AKT3: variants seen among roughly 807,000 people sequenced by gnomAD.
AKT3 encodes RAC-gamma serine/threonine-protein kinase.
Under a neutral mutation model 65.3 loss-of-function variants are expected in AKT3, and 15 were observed. The observed-to-expected ratio is 0.23, with a 90% CI of 0.15 to 0.35. The LOEUF (loss-of-function observed/expected upper bound fraction) is 0.35, where lower values mean the gene tolerates loss of function less well. Ranked by LOEUF, AKT3 falls within the 10% of genes least tolerant of loss-of-function variation. AKT3 has a pLI of 1.00. For synonymous variants in AKT3, 206 were observed against 183.8 expected, an observed-to-expected ratio of 1.12 and a Z score of -0.98; for missense variants, 243 against 576.5, an observed-to-expected ratio of 0.42 and a Z score of 5.92.
intron 8 of AKT3, among the ~76,000 whole-genome samples, 163 bp from the exon 9 acceptor site, chr1:243,573,211 G>A (rs1674691859): frequency 6.6e-6 from 1 of 152,054 alleles, no homozygotes; most frequent in Non-Finnish European, 1.5e-5. Flanking sequence ...TCTTTTCCAG[G>A]TTTCCAAGGG....
chr1:243,811,385 C>T (rs964080408), intron 2 of AKT3, among the ~76,000 whole-genome samples: 1 of 152,116 alleles, frequency 6.6e-6, no homozygotes, highest in African/African-American at 2.4e-5. Flanking sequence ...CAATAATAGA[C>T]AAACAGCCAA....
intron 9 of AKT3, among the ~76,000 whole-genome samples, chr1:243,567,698 T>C (rs1471076664): frequency 6.6e-6 from 1 of 152,024 alleles, no homozygotes; most frequent in Admixed American, 6.6e-5. Context: ...TCTCTCACCA[T>C]CCTAAAACGT....
intron 10 of AKT3, 31 bp from the exon 11 acceptor site, chr1:243,552,974 A>G (rs1255144192): frequency 4.1e-6 from 6 of 1,469,028 alleles, no homozygotes; most frequent in Non-Finnish European, 5.6e-6. Context: ...AAGATTAATT[A>G]TTACATGTTA....
chr1:243,534,085 C>G (rs573641636), intron 12 of AKT3, among the ~76,000 whole-genome samples: 1 of 151,988 alleles, frequency 6.6e-6, no homozygotes, highest in East Asian at 1.9e-4. Context: ...AGCTAAAAGA[C>G]AGAGACAGTC....
intron 8 of AKT3, among the ~76,000 whole-genome samples, chr1:243,606,323 C>A (rs1284724190): frequency 1.3e-5 from 2 of 152,202 alleles, no homozygotes; most frequent in Non-Finnish European, 2.9e-5. Context: ...TTCCTAGAGA[C>A]TTGTTGAATA....
downstream of AKT3, among the ~76,000 whole-genome samples, chr1:243,497,659 C>CA (rs1219480857): frequency 6.6e-6 from 1 of 152,126 alleles, no homozygotes; most frequent in Non-Finnish European, 1.5e-5. Context: ...TGGAGCTTAT[C>CA]AAAAAATTCC....
intron 2 of AKT3, among the ~76,000 whole-genome samples, chr1:243,749,226 T>C (rs1397079710): frequency 6.6e-6 from 1 of 152,170 alleles, no homozygotes; most frequent in Non-Finnish European, 1.5e-5. Context: ...CCATTTTATG[T>C]GGAACTCTTC....
At chr1:243,625,052 T>C in intron 6 of AKT3, 1 of 343,414 alleles carries the variant, frequency 2.9e-6, no homozygotes, top group Non-Finnish European at 6.0e-6. Flanking sequence ...GAAAGCCTCC[T>C]CCACCCTTGC....
chr1:243,499,650 CCAA>C (rs1231459714), downstream of AKT3: 15 of 933,054 alleles, frequency 1.6e-5, no homozygotes, highest in Admixed American at 3.8e-5. Context: ...GTTTTTTTCT[CCAA>C]CAACAGTTTT....
chr1:243,718,933 A>G (rs1686696341), intron 2 of AKT3, among the ~76,000 whole-genome samples: 1 of 152,200 alleles, frequency 6.6e-6, no homozygotes, highest in African/African-American at 2.4e-5. Flanking sequence ...TATATGCACA[A>G]AACAAGCCAT....
chr1:243,734,027 T>C (rs1047968808), intron 2 of AKT3, among the ~76,000 whole-genome samples: 2 of 152,310 alleles, frequency 1.3e-5, no homozygotes, highest in East Asian at 1.9e-4. Flanking sequence ...AAATATGGCA[T>C]GAACTCTCAA....
intron 2 of AKT3, among the ~76,000 whole-genome samples, chr1:243,698,771 A>T (rs922987061): frequency 1.3e-5 from 2 of 152,126 alleles, no homozygotes; most frequent in African/African-American, 4.8e-5. Flanking sequence ...TTATACTGTG[A>T]TACTAAGCCA....
intron 12 of AKT3, among the ~76,000 whole-genome samples, chr1:243,515,325 G>C (rs1574515125): frequency 6.6e-6 from 1 of 151,772 alleles, no homozygotes; most frequent in Admixed American, 6.6e-5. Flanking sequence ...GAATGGCTGG[G>C]CCGTATGGTA....
intron 6 of AKT3, among the ~76,000 whole-genome samples, chr1:243,627,931 A>G (rs1194187796): frequency 6.6e-6 from 1 of 152,224 alleles, no homozygotes; most frequent in Non-Finnish European, 1.5e-5. Flanking sequence ...TCTAAGTTGC[A>G]GTGGCTCAAT....
At chr1:243,668,896 T>C (rs1345986629) in intron 3 of AKT3, among the ~76,000 whole-genome samples, 1 of 152,180 alleles carries the variant, frequency 6.6e-6, no homozygotes, top group African/African-American at 2.4e-5. Context: ...GTAGAATCAA[T>C]AGGTCATAAA....
At chr1:243,512,228 G>T (rs1224949230) in intron 13 of AKT3, 96 bp downstream of exon 13, 4 of 639,286 alleles carry the variant, frequency 6.3e-6, no homozygotes, top group Non-Finnish European at 1.0e-5. Context: ...ATTTGATCTT[G>T]AAAATATCAG....
intron 2 of AKT3, among the ~76,000 whole-genome samples, chr1:243,836,203 C>T (rs187321766): frequency 2.6e-5 from 4 of 151,998 alleles, no homozygotes; most frequent in African/African-American, 9.6e-5. Flanking sequence ...TGAAAAGATA[C>T]AAGATGCAAA....
chr1:243,767,049 G>T (rs527701312), intron 2 of AKT3, among the ~76,000 whole-genome samples: 10 of 152,122 alleles, frequency 6.6e-5, no homozygotes, highest in Non-Finnish European at 1.5e-4. Flanking sequence ...TAAGTACCTG[G>T]AATTCACTGA....
At chr1:243,594,542 A>G (rs1354052625) in intron 8 of AKT3, among the ~76,000 whole-genome samples, 1 of 152,216 alleles carries the variant, frequency 6.6e-6, no homozygotes, top group Non-Finnish European at 1.5e-5. Context: ...ATTAAACAGA[A>G]TAAGACAGTG....
Sources: allele counts gnomAD v4.1 joint callset (sites outside exome capture counted in the v4.1 genomes callset), GRCh38; gene constraint gnomAD v4.1.1; transcripts MANE v1.5; gene names NCBI Gene and HGNC (gene_info 2026-07-23, HGNC 2026-07-21).